MYZAP: variants seen among roughly 807,000 people sequenced by gnomAD.
MYZAP encodes the protein myocardial zonula adherens protein.
In MYZAP, 66 loss-of-function variants were observed where a neutral mutation model predicts 69.4. The observed-to-expected ratio is 0.95, with a 90% CI of 0.78 to 1.17. MYZAP has a LOEUF of 1.17. MYZAP is among the 50% of genes most tolerant of loss of function. The pLI, the probability that MYZAP is intolerant of heterozygous loss-of-function variation, is 0.00. For synonymous variants in MYZAP, 256 were observed against 205.9 expected, an observed-to-expected ratio of 1.24 and a Z score of -2.09; for missense variants, 611 against 556.2, an observed-to-expected ratio of 1.10 and a Z score of -0.99.
intron 2 of MYZAP, among the ~76,000 whole-genome samples, chr15:57,608,686 A>C (rs1448409930): frequency 1.3e-5 from 2 of 152,232 alleles, no homozygotes; most frequent in Admixed American, 6.5e-5. Flanking sequence ...TATAATATGG[A>C]TTAAAGAGGT....
At chr15:57,675,161 C>T (rs576901585) in intron 12 of MYZAP, 93 bp downstream of exon 12, 21 of 1,123,650 alleles carry the variant, frequency 1.9e-5, no homozygotes, top group Middle Eastern at 2.0e-4. Context: ...GAATTGCATT[C>T]TTCCTATCAC....
intron 6 of MYZAP, among the ~76,000 whole-genome samples, chr15:57,631,091 C>A (rs1479840610): frequency 6.6e-6 from 1 of 152,110 alleles, no homozygotes; most frequent in Non-Finnish European, 1.5e-5. Context: ...TCTTCTTTTC[C>A]GTGTAAGAGT....
intron 12 of MYZAP, among the ~76,000 whole-genome samples, chr15:57,677,102 G>T (rs185069447): frequency 1.3e-5 from 2 of 152,176 alleles, no homozygotes; most frequent in African/African-American, 4.8e-5. Flanking sequence ...AGAATCTTTC[G>T]GTAACTCAGG....
chr15:57,603,766 G>C (rs1283969288), intron 1 of MYZAP, among the ~76,000 whole-genome samples: 3 of 151,888 alleles, frequency 2.0e-5, no homozygotes, highest in African/African-American at 7.3e-5. Context: ...CCACCTTTTG[G>C]CTATTGTGGA....
At chr15:57,666,207 A>C (rs1229805212) in intron 11 of MYZAP, among the ~76,000 whole-genome samples, 1 of 152,178 alleles carries the variant, frequency 6.6e-6, no homozygotes, top group East Asian at 1.9e-4. Flanking sequence ...GTTCATCTTT[A>C]AAAAAGGGAG....
At chr15:57,632,321 C>T (rs2036552829) in intron 6 of MYZAP, 113 bp from the exon 7 acceptor site, 5 of 1,528,868 alleles carry the variant, frequency 3.3e-6, no homozygotes, top group South Asian at 2.5e-5. Context: ...TGCTGCAGAA[C>T]CCAGTGGATG....
intron 11 of MYZAP, among the ~76,000 whole-genome samples, chr15:57,662,256 C>T (rs1029169099): frequency 6.6e-6 from 1 of 152,188 alleles, no homozygotes; most frequent in Non-Finnish European, 1.5e-5. Context: ...GAGCCTTTGC[C>T]TTTTGAGACT....
chr15:57,655,613 T>G (rs1229028898), intron 10 of MYZAP, among the ~76,000 whole-genome samples: 1 of 151,156 alleles, frequency 6.6e-6, no homozygotes, highest in Non-Finnish European at 1.5e-5. Flanking sequence ...AAAAAAGCCA[T>G]GATCAGTTTT....
At chr15:57,640,695 A>C (rs11852838) in intron 10 of MYZAP, among the ~76,000 whole-genome samples, 4,640 of 152,234 alleles carry the variant, frequency 0.03, 108 homozygotes, top group Middle Eastern at 0.13. Context: ...ATCTTTTTTT[A>C]TTGTGTGTAG....
rs73424733 is a variant in MYZAP, at chr15:57,657,693, A to G, written c.1120-3757A>G. 2.9e-3 allele frequency among the ~76,000 whole-genome samples: 442 copies of G among 152,324 alleles called. 7 individuals carry two copies. The highest frequency in any genetic ancestry group is 0.01 in the African/African-American group (416 of 41,564). ...ATAACCTTATTTCTCTCTATTATAAATAATGGGAGCAAGAACATCTTTATA... is the reference window on the plus strand; with the variant it reads ...ATAACCTTATTTCTCTCTATTATAAGTAATGGGAGCAAGAACATCTTTATA... On this transcript the variant is annotated intron_variant, in intron 10 of 12. Coordinates refer to ENST00000267853, the MANE Select transcript of MYZAP (RefSeq NM_001018100.5).
chr15:57,621,117 T>A (rs1184077077), intron 3 of MYZAP, among the ~76,000 whole-genome samples: 1 of 148,534 alleles, frequency 6.7e-6, no homozygotes, highest in Non-Finnish European at 1.5e-5. Context: ...CCTAACTAGT[T>A]TCTAACTAGT....
At chr15:57,618,002 A>C in intron 2 of MYZAP, 31 bp from the exon 3 acceptor site, 2 of 1,604,378 alleles carry the variant, frequency 1.2e-6, no homozygotes, top group Non-Finnish European at 1.7e-6. Context: ...AAGAGTCATT[A>C]TTCTTTTTTT....
rs542675672 is a variant in MYZAP, at chr15:57,615,021, G to T, written c.163-3012G>T. 1.5e-3 allele frequency among the ~76,000 whole-genome samples: 221 copies of T among 152,198 alleles called. 2 individuals carry two copies. The highest frequency in any genetic ancestry group is 4.9e-3 in the African/African-American group (205 of 41,508). ...ATCAGCTCCTTGGGCTGCCTCAGGA[G>T]TCCTCTCCCCTGGTGTGGCTGGTGC... On this transcript the variant is annotated intron_variant, in intron 2 of 12. Transcript: ENST00000267853.
At chr15:57,604,076 G>T (rs915030952) in intron 1 of MYZAP, among the ~76,000 whole-genome samples, 193 bp from the exon 2 acceptor site, 45 of 152,212 alleles carry the variant, frequency 3.0e-4, no homozygotes, top group African/African-American at 1.0e-3. Context: ...GGTGGTGGGT[G>T]CCTGTGCTGT....
chr15:57,622,168 TAC>T (rs1193440583), intron 4 of MYZAP, among the ~76,000 whole-genome samples: 3 of 151,998 alleles, frequency 2.0e-5, no homozygotes, highest in East Asian at 3.9e-4. Context: ...TAAAATTTTA[TAC>T]ACACACACAC....
intron 10 of MYZAP, among the ~76,000 whole-genome samples, chr15:57,655,312 A>T (rs890662208): frequency 6.6e-6 from 1 of 152,112 alleles, no homozygotes. Flanking sequence ...TGCTGAGAGG[A>T]TGGAGTGTCC....
intron 2 of MYZAP, among the ~76,000 whole-genome samples, chr15:57,614,069 C>A (rs1292927746): frequency 1.4e-4 from 21 of 152,172 alleles, no homozygotes; most frequent in Admixed American, 5.2e-4. Flanking sequence ...CATCTATGCT[C>A]CTAGCAGCTT....
chr15:57,626,020 T>C (rs1411801714), intron 5 of MYZAP, 128 bp downstream of exon 5: 1 of 782,678 alleles, frequency 1.3e-6, no homozygotes, highest in Admixed American at 2.1e-5. Context: ...GCAGAACCAC[T>C]GTGAAGACTG....
Position 57,639,214 on chromosome 15 carries a change from A to T in MYZAP, c.1014-226A>T, listed in dbSNP as rs1047182920. Among the ~76,000 whole-genome samples the T allele has an allele frequency of 9.1e-4, 133 of 145,534 alleles. 3 individuals carry two copies. The South Asian group carries it at 0.013, about 14-fold the overall frequency. ...ACATGTTTTCTATTTTTATTTATTT[A>T]TTTTTTTTTTTTGTGGAGATGAGGG... On this transcript the variant is annotated intron_variant, in intron 9 of 12. Transcript: ENST00000267853.
Sources: gnomAD v4.1 joint callset for allele counts (sites outside exome capture counted in the v4.1 genomes callset) on GRCh38, gnomAD v4.1.1 for gene constraint, MANE v1.5 for transcripts, NCBI Gene and HGNC (gene_info 2026-07-23, HGNC 2026-07-21) for gene names.